Variants in SPIDR observed in about 807,000 individuals in gnomAD.
SPIDR encodes the protein scaffold protein involved in DNA repair.
A neutral mutation model predicts 104.6 loss-of-function variants in SPIDR; 93 were observed. The observed-to-expected ratio is 0.89, with a 90% confidence interval of 0.75 to 1.06. The LOEUF is 1.06. Ranked by LOEUF, SPIDR falls within the 50% of genes least tolerant of loss-of-function variation. The pLI is 0.00. For missense variants in SPIDR, 1,154 were observed against 1,111.2 expected, an observed-to-expected ratio of 1.04 and a Z score of -0.55; for synonymous variants, 431 against 416.9, an observed-to-expected ratio of 1.03 and a Z score of -0.41.
At chr8:47,368,121 T>C (rs2057460441) in intron 5 of SPIDR, among the ~76,000 whole-genome samples, 1 of 151,950 alleles carries the variant, frequency 6.6e-6, no homozygotes, top group African/African-American at 2.4e-5. Context: ...TAACCTCACA[T>C]GGTGGAAGGG....
intron 6 of SPIDR, among the ~76,000 whole-genome samples, chr8:47,404,690 G>A (rs959585080): frequency 9.2e-5 from 14 of 152,130 alleles, no homozygotes; most frequent in Non-Finnish European, 1.8e-4. Flanking sequence ...TCATTAAAAA[G>A]TCAGGAAACA....
intron 7 of SPIDR, among the ~76,000 whole-genome samples, chr8:47,433,912 C>CA (rs1248182548): frequency 5.5e-3 from 1 of 182 alleles, no homozygotes; most frequent in Non-Finnish European, 0.01. Context: ...GCAGGGTATA[C>CA]ACCTTCTTCA....
At chr8:47,642,975 T>C (rs2069440938) in intron 10 of SPIDR, among the ~76,000 whole-genome samples, 1 of 152,212 alleles carries the variant, frequency 6.6e-6, no homozygotes, top group Non-Finnish European at 1.5e-5. Context: ...ATTTGGGAAA[T>C]TATGAAGATC....
chr8:47,609,250 TCC>T (rs2063332476), intron 10 of SPIDR, among the ~76,000 whole-genome samples: 1 of 152,224 alleles, frequency 6.6e-6, no homozygotes, highest in African/African-American at 2.4e-5. Flanking sequence ...TTTAATGAGG[TCC>T]AATTTGTCAT....
intron 10 of SPIDR, among the ~76,000 whole-genome samples, chr8:47,608,786 C>G (rs1403439899): frequency 6.6e-6 from 1 of 152,210 alleles, no homozygotes; most frequent in African/African-American, 2.4e-5. Flanking sequence ...TGCAGTGGCA[C>G]GATCTCAGCT....
At chr8:47,339,443 T>C (rs1357384169) in intron 5 of SPIDR, among the ~76,000 whole-genome samples, 1 of 152,194 alleles carries the variant, frequency 6.6e-6, no homozygotes, top group Non-Finnish European at 1.5e-5. Flanking sequence ...TTTATGTAAT[T>C]AACCTATATC....
intron 8 of SPIDR, among the ~76,000 whole-genome samples, chr8:47,551,206 A>G (rs935098196): frequency 9.9e-5 from 15 of 152,220 alleles, no homozygotes; most frequent in Admixed American, 2.0e-4. Flanking sequence ...ATGGATGTTC[A>G]TCAGGGATAT....
intron 6 of SPIDR, among the ~76,000 whole-genome samples, chr8:47,400,459 G>T (rs1160709061): frequency 2.0e-5 from 3 of 152,176 alleles, no homozygotes; most frequent in Non-Finnish European, 4.4e-5. Context: ...CTGTTTTACT[G>T]AGCTGACTAG....
intron 11 of SPIDR, among the ~76,000 whole-genome samples, chr8:47,675,011 T>C (rs980092110): frequency 4.0e-4 from 61 of 152,266 alleles, no homozygotes; most frequent in Non-Finnish European, 6.2e-4. Context: ...GTTTGGTTTT[T>C]GGTTTTTTTG....
intron 5 of SPIDR, among the ~76,000 whole-genome samples, chr8:47,348,672 C>T (rs1415879886): frequency 6.6e-6 from 1 of 152,226 alleles, no homozygotes; most frequent in Non-Finnish European, 1.5e-5. Flanking sequence ...TCTTTTTTCT[C>T]TAAACTTCTC....
intron 8 of SPIDR, among the ~76,000 whole-genome samples, chr8:47,507,186 G>T (rs558556797): frequency 6.6e-6 from 1 of 152,290 alleles, no homozygotes; most frequent in Admixed American, 6.5e-5. Context: ...TTCCTCCTTT[G>T]TCTGTGCTGG....
At chr8:47,268,067 T>G (rs528274520) in intron 1 of SPIDR, among the ~76,000 whole-genome samples, 1 of 152,340 alleles carries the variant, frequency 6.6e-6, no homozygotes, top group African/African-American at 2.4e-5. Context: ...CCCAGTTGTT[T>G]CAACACTGTT....
At chr8:47,679,720 T>G (rs2076871201) in intron 11 of SPIDR, among the ~76,000 whole-genome samples, 1 of 152,226 alleles carries the variant, frequency 6.6e-6, no homozygotes. Context: ...TCATTACAAC[T>G]GTTCCTTGTA....
intron 8 of SPIDR, among the ~76,000 whole-genome samples, chr8:47,516,241 G>A (rs1278671934): frequency 2.0e-5 from 3 of 152,128 alleles, no homozygotes; most frequent in African/African-American, 7.2e-5. Flanking sequence ...ATCATACCCA[G>A]CCTCATGAAA....
chr8:47,640,841 CTTTTTTTTTTTTTTTTTTTTTTTTTT>C lies in SPIDR; in HGVS notation c.1545-32941_1545-32916del, dbSNP rs57405701. Among the ~76,000 whole-genome samples the C allele has an allele frequency of 2.4e-3, 99 of 41,308 alleles. 1 individual carries two copies. Among genetic ancestry groups the C allele is most frequent in the African/African-American group, 9.5e-3 (86 of 9,062 alleles). The allele number at this position is 41,308 out of a possible 152,430, so 27.1% of individuals were successfully genotyped here. On this transcript the variant is annotated intron_variant, in intron 10 of 19. Coordinates refer to ENST00000297423, the MANE Select transcript of SPIDR (RefSeq NM_001080394.4). ...TACAGGTACACACTGCCACACCCAGCTTTTTTTTTTTTTTTTTTTTTTTTTTTTTTTTTTTTTTTTTTTTGTATTTT... is the reference window on the plus strand; with the variant it reads ...TACAGGTACACACTGCCACACCCAGCTTTTTTTTTTTTTTTTTTGTATTTT...
chr8:47,467,064 C>G (rs1363134775), intron 8 of SPIDR, among the ~76,000 whole-genome samples: 5 of 151,790 alleles, frequency 3.3e-5, no homozygotes, highest in Admixed American at 3.3e-4. Context: ...TACAAATAAC[C>G]ATCAGAGAAT....
intron 7 of SPIDR, among the ~76,000 whole-genome samples, chr8:47,436,819 T>C (rs1177098754): frequency 2.0e-5 from 3 of 152,142 alleles, no homozygotes; most frequent in Non-Finnish European, 2.9e-5. Context: ...TTACCCTGCT[T>C]TTTTTTCTCC....
chr8:47,696,761 G>A (rs183617622), intron 11 of SPIDR, among the ~76,000 whole-genome samples: 3 of 152,316 alleles, frequency 2.0e-5, no homozygotes, highest in East Asian at 1.9e-4. Context: ...ACATGTCAGC[G>A]AGGGATAGCA....
chr8:47,735,751 T>C lies in SPIDR; in HGVS notation c.*301T>C. On this transcript the variant is annotated 3_prime_UTR_variant, in exon 20 of 20. Coordinates refer to ENST00000297423, the MANE Select transcript of SPIDR (RefSeq NM_001080394.4). ...ATTTAGGCAATATATGAGAAAAAAA[T>C]TTTTTTTGTTCATTTGTAATTTTAA... 1 of 566,066 alleles carries C rather than the reference T, an allele frequency of 1.8e-6. No individual in the cohort carries two copies. Among genetic ancestry groups the C allele is most frequent in the Non-Finnish European group, 3.0e-6 (1 of 335,186 alleles). 35.1% of individuals were successfully genotyped at this position (566,066 alleles called of 1,614,324 possible). A position where few individuals can be genotyped will look rare whatever the true frequency, so the allele number is the denominator to read the frequency against.
Sources: gnomAD v4.1 joint callset for allele counts (sites outside exome capture counted in the v4.1 genomes callset) on GRCh38, gnomAD v4.1.1 for gene constraint, MANE v1.5 for transcripts, NCBI Gene and HGNC (gene_info 2026-07-23, HGNC 2026-07-21) for gene names.